Variants in URI1 observed in about 807,000 individuals in gnomAD.
URI1 encodes unconventional prefoldin RPB5 interactor 1.
Under a neutral mutation model 60.2 loss-of-function variants are expected in URI1, and 39 were observed. That is an observed-to-expected ratio of 0.65 (90% confidence interval 0.50 to 0.85). URI1 has a LOEUF of 0.85. Ranked by LOEUF, URI1 falls within the 40% of genes least tolerant of loss-of-function variation. The pLI, the probability that URI1 is intolerant of heterozygous loss-of-function variation, is 0.00. For synonymous variants in URI1, 251 were observed against 236.8 expected, an observed-to-expected ratio of 1.06 and a Z score of -0.55; for missense variants, 691 against 665.9, an observed-to-expected ratio of 1.04 and a Z score of -0.42.
chr19:30,005,423 T>G lies in URI1; in HGVS notation c.430T>G (p.Phe144Val). ...GAAAAATTTTGAATCCAGAGTTGAA[T>G]TCACAGAAGATTTGCAGAAAATGAG... ...VMKNFESRVE[F>V]TEDLQKMSDA... The change falls in exon 5 of 11, where the codon TTC (phenylalanine) becomes GTC (valine). Residue 144 changes from phenylalanine to valine, a missense_variant. Transcript: ENST00000392271. 2 of 1,602,630 alleles carry G rather than the reference T, an allele frequency of 1.2e-6. No individual in the cohort carries two copies. The highest frequency in any genetic ancestry group is 1.7e-6 in the Non-Finnish European group (2 of 1,176,156).
At chr19:29,934,753 C>T (rs1170898047) in intron 1 of URI1, among the ~76,000 whole-genome samples, 1 of 152,036 alleles carries the variant, frequency 6.6e-6, no homozygotes, top group East Asian at 1.9e-4. Flanking sequence ...GACCAGGTCT[C>T]ACTATGTTGC....
intron 4 of URI1, among the ~76,000 whole-genome samples, chr19:29,999,562 T>C (rs1463222613): frequency 6.6e-6 from 1 of 152,132 alleles, no homozygotes; most frequent in African/African-American, 2.4e-5. Flanking sequence ...TGAAGATTTC[T>C]TGTTTGTGAT....
At chr19:29,978,524 A>G (rs1003914880) in intron 2 of URI1, among the ~76,000 whole-genome samples, 20 of 151,118 alleles carry the variant, frequency 1.3e-4, no homozygotes, top group African/African-American at 3.1e-4. Flanking sequence ...GTAACATCCA[A>G]TAAAACTCTT....
chr19:29,926,067 T>TTTCC (rs752936111), intron 1 of URI1, among the ~76,000 whole-genome samples: 18 of 152,012 alleles, frequency 1.2e-4, no homozygotes, highest in Admixed American at 3.3e-4. Context: ...ATCTTCCTTC[T>TTTCC]TTCCTTCCTT....
chr19:29,997,313 A>G (rs925633134), intron 4 of URI1, among the ~76,000 whole-genome samples: 3 of 152,174 alleles, frequency 2.0e-5, no homozygotes, highest in African/African-American at 2.4e-5. Context: ...TATTTTATCT[A>G]AATTATCAAA....
At chr19:29,969,707 CT>C (rs2055434571) in intron 1 of URI1, among the ~76,000 whole-genome samples, 1 of 152,138 alleles carries the variant, frequency 6.6e-6, no homozygotes, top group South Asian at 2.1e-4. Context: ...TGGGTCTCAT[CT>C]TTTAATGGGG....
chr19:29,932,254 G>C (rs1301181014), intron 1 of URI1, among the ~76,000 whole-genome samples: 1 of 152,012 alleles, frequency 6.6e-6, no homozygotes, highest in Non-Finnish European at 1.5e-5. Context: ...GTTTTATCTT[G>C]ATGTTGGATA....
At chr19:29,977,780 C>T (rs887262059) in intron 2 of URI1, among the ~76,000 whole-genome samples, 3 of 150,828 alleles carry the variant, frequency 2.0e-5, no homozygotes, top group Admixed American at 2.0e-4. Context: ...GTTTGGAACT[C>T]GTGTGTAATG....
At chr19:29,944,161 A>ATATG (rs2055070577) in intron 1 of URI1, among the ~76,000 whole-genome samples, 3 of 65,234 alleles carry the variant, frequency 4.6e-5, no homozygotes, top group Non-Finnish European at 8.0e-5. Flanking sequence ...ATATATATAT[A>ATATG]TATATATATA....
chr19:29,974,086 C>T (rs1437583678), intron 2 of URI1, among the ~76,000 whole-genome samples: 1 of 151,994 alleles, frequency 6.6e-6, no homozygotes, highest in East Asian at 1.9e-4. Flanking sequence ...GAGTCACAGA[C>T]CTATATTTGA....
At chr19:29,954,270 G>A (rs2055215137) in intron 1 of URI1, among the ~76,000 whole-genome samples, 1 of 152,188 alleles carries the variant, frequency 6.6e-6, no homozygotes, top group African/African-American at 2.4e-5. Context: ...CTTTTGGGGT[G>A]TACAGTTAGG....
chr19:29,973,961 C>T (rs1307852894), intron 2 of URI1, among the ~76,000 whole-genome samples: 2 of 152,110 alleles, frequency 1.3e-5, no homozygotes, highest in East Asian at 3.8e-4. Flanking sequence ...CACACTGTTA[C>T]CTCCTTAAAG....
intron 2 of URI1, among the ~76,000 whole-genome samples, chr19:29,981,526 G>A (rs573264569): frequency 6.6e-6 from 1 of 151,638 alleles, no homozygotes; most frequent in Non-Finnish European, 1.5e-5. Context: ...CTCTCAAAAG[G>A]CATATTGCAC....
At chr19:29,964,454 TTTTTG>T (rs1025824647) in intron 1 of URI1, among the ~76,000 whole-genome samples, 2 of 149,904 alleles carry the variant, frequency 1.3e-5, no homozygotes, top group African/African-American at 5.0e-5. Context: ...TTGTTTTTGT[TTTTTG>T]TTTTGTTTTT....
upstream of URI1, among the ~76,000 whole-genome samples, chr19:29,940,439 A>C (rs1470678311): frequency 1.3e-5 from 2 of 152,188 alleles, no homozygotes; most frequent in Non-Finnish European, 2.9e-5. Context: ...ACTTGAGGCC[A>C]GGAGTTTGAG....
At chr19:29,980,595 TAGA>T (rs1448413506) in intron 2 of URI1, among the ~76,000 whole-genome samples, 3 of 102,792 alleles carry the variant, frequency 2.9e-5, no homozygotes, top group Non-Finnish European at 5.4e-5. Flanking sequence ...AAGAGAGTGA[TAGA>T]AGATTTTTTT....
At chr19:29,953,316 G>A (rs1480523676) in intron 1 of URI1, among the ~76,000 whole-genome samples, 1 of 152,048 alleles carries the variant, frequency 6.6e-6, no homozygotes. Flanking sequence ...TTTGGCTATT[G>A]ACTGTTGTAT....
At chr19:29,989,931 T>C (rs1033754321) in intron 4 of URI1, among the ~76,000 whole-genome samples, 2 of 152,134 alleles carry the variant, frequency 1.3e-5, no homozygotes, top group Non-Finnish European at 2.9e-5. Flanking sequence ...GGATCATATG[T>C]GTGGTGTCAT....
Position 30,011,116 on chromosome 19 carries a change from A to T in URI1, c.1058A>T (p.Asn353Ile). The change falls in exon 9 of 11, where the codon AAT becomes ATT. Residue 353 changes from asparagine to isoleucine, a missense_variant. Transcript: ENST00000392271. Reference sequence around the variant, plus strand: ...TAGGTCCGAATAAATACTGGAAAGAATACCACTTTAAAATTCAGTGAAAAG... The same window carrying T: ...TAGGTCCGAATAAATACTGGAAAGATTACCACTTTAAAATTCAGTGAAAAG... ...PKRVRINTGK[N>I]TTLKFSEKKE... 1.9e-6 allele frequency: 3 copies of T among 1,611,892 alleles called. No individual in the cohort carries two copies. Among genetic ancestry groups the T allele is most frequent in the Non-Finnish European group, 2.5e-6 (3 of 1,179,308 alleles).
Sources: allele counts gnomAD v4.1 joint callset (sites outside exome capture counted in the v4.1 genomes callset), GRCh38; gene constraint gnomAD v4.1.1; transcripts MANE v1.5; gene names NCBI Gene and HGNC (gene_info 2026-07-23, HGNC 2026-07-21).